ADAMTS16: variants seen among roughly 807,000 people sequenced by gnomAD.
The protein encoded by ADAMTS16 is A disintegrin and metalloproteinase with thrombospondin motifs 16.
ADAMTS16 carries 94 observed loss-of-function variants against 145.8 expected under a neutral mutation model. The observed-to-expected ratio is 0.64, with a 90% CI of 0.55 to 0.77. The LOEUF is 0.77. Among genes scored for constraint, ADAMTS16 ranks in the 30% least tolerant of loss-of-function variants. The pLI, the probability that ADAMTS16 is intolerant of heterozygous loss-of-function variation, is 0.00. For synonymous variants in ADAMTS16, 659 were observed against 604.3 expected (o/e 1.09, Z -1.33); for missense variants, 1,585 against 1,591.5 (o/e 1.00, Z 0.07).
At chr5:5,223,058 C>A in intron 11 of ADAMTS16, 174 bp downstream of exon 11, 1 of 554,716 alleles carries the variant, frequency 1.8e-6, no homozygotes, top group East Asian at 2.9e-5. Flanking sequence ...GAAGAGGAAT[C>A]CTTTTCTCAC....
chr5:5,213,789 C>T (rs1159074750), intron 10 of ADAMTS16, among the ~76,000 whole-genome samples: 5 of 152,194 alleles, frequency 3.3e-5, no homozygotes, highest in African/African-American at 1.2e-4. Flanking sequence ...TATGCATCCT[C>T]TGTCTTGAAG....
intron 8 of ADAMTS16, among the ~76,000 whole-genome samples, chr5:5,195,868 A>G (rs1320462706): frequency 2.6e-5 from 4 of 152,208 alleles, no homozygotes; most frequent in African/African-American, 4.8e-5. Flanking sequence ...CATGCAAGAT[A>G]TCAAGTAATG....
At chr5:5,292,741 T>C (rs969810638) in intron 18 of ADAMTS16, among the ~76,000 whole-genome samples, 6 of 152,082 alleles carry the variant, frequency 3.9e-5, no homozygotes, top group Admixed American at 1.3e-4. Flanking sequence ...GAAGGCCTCC[T>C]TGCCCTGCTG....
At chr5:5,201,942 C>T (rs1315795843) in intron 9 of ADAMTS16, among the ~76,000 whole-genome samples, 1 of 151,618 alleles carries the variant, frequency 6.6e-6, no homozygotes, top group Non-Finnish European at 1.5e-5. Context: ...CTTTTTTATT[C>T]ATATATTTAA....
intron 21 of ADAMTS16, among the ~76,000 whole-genome samples, chr5:5,313,822 G>A (rs1467892744): frequency 6.6e-6 from 1 of 152,240 alleles, no homozygotes; most frequent in African/African-American, 2.4e-5. Context: ...GATCTCAACC[G>A]ATGAGGCTGG....
chr5:5,195,979 G>T (rs141398891), intron 8 of ADAMTS16, among the ~76,000 whole-genome samples: 2 of 152,186 alleles, frequency 1.3e-5, no homozygotes, highest in African/African-American at 4.8e-5. Context: ...GTTAATCCCA[G>T]CATTTTGGGA....
intron 14 of ADAMTS16, among the ~76,000 whole-genome samples, chr5:5,237,401 G>C (rs1338418612): frequency 6.6e-6 from 1 of 152,190 alleles, no homozygotes; most frequent in Non-Finnish European, 1.5e-5. Context: ...GGGTGAGTTG[G>C]AAGAGGGATG....
intron 6 of ADAMTS16, among the ~76,000 whole-genome samples, chr5:5,188,721 T>C (rs2126572686): frequency 6.6e-6 from 1 of 152,312 alleles, no homozygotes; most frequent in Non-Finnish European, 1.5e-5. Flanking sequence ...AGTTCTGGGA[T>C]GCTGCTCTTT....
At chr5:5,148,699 A>G (rs1160382400) in intron 3 of ADAMTS16, among the ~76,000 whole-genome samples, 1 of 152,244 alleles carries the variant, frequency 6.6e-6, no homozygotes, top group Non-Finnish European at 1.5e-5. Flanking sequence ...AGGAAAAACT[A>G]AACAAACATA....
intron 9 of ADAMTS16, among the ~76,000 whole-genome samples, chr5:5,201,191 G>A (rs1239962412): frequency 2.6e-5 from 4 of 152,118 alleles, no homozygotes; most frequent in Non-Finnish European, 4.4e-5. Flanking sequence ...GAGAGCACAG[G>A]AGGGTGTGCG....
chr5:5,193,370 A>G (rs1735718796), intron 8 of ADAMTS16, among the ~76,000 whole-genome samples: 1 of 152,210 alleles, frequency 6.6e-6, no homozygotes, highest in South Asian at 2.1e-4. Flanking sequence ...CCTTCACTTT[A>G]TAAAGCTTTC....
intron 12 of ADAMTS16, among the ~76,000 whole-genome samples, chr5:5,232,905 A>G (rs1167677524): frequency 6.6e-6 from 1 of 152,086 alleles, no homozygotes; most frequent in African/African-American, 2.4e-5. Flanking sequence ...GCCCGGCCTC[A>G]GCTCTTAATA....
At chr5:5,271,502 A>G (rs1232295577) in intron 18 of ADAMTS16, among the ~76,000 whole-genome samples, 1 of 152,242 alleles carries the variant, frequency 6.6e-6, no homozygotes. Context: ...CCCCATCTGC[A>G]TTCTAGCATG....
At chr5:5,176,874 G>A (rs1448540739) in intron 3 of ADAMTS16, among the ~76,000 whole-genome samples, 1 of 152,146 alleles carries the variant, frequency 6.6e-6, no homozygotes, top group East Asian at 1.9e-4. Context: ...TATTTGTGGG[G>A]CACATAGACA....
rs199521777 is a variant in ADAMTS16 at position 5,200,212 on chromosome 5, G to A, written c.1394G>A (p.Arg465His). Reference protein sequence around the residue: ...GNIMSPTLAGRNGVFSWSPCS... With the variant: ...GNIMSPTLAGHNGVFSWSPCS... ...ATCATGTCCCCTACATTGGCAGGAC[G>A]CAATGGAGTCTTCTCCTGGTCACCC... The change falls in exon 9 of 23, where the codon CGC becomes CAC. Residue 465 changes from arginine to histidine, a missense_variant. By Grantham distance (29) the Arg-to-His change is conservative. Around this residue, in one of 3 missense-constraint regions of ADAMTS16, gnomAD observed 298 missense variants for 367.6 expected, o/e 0.81. Coordinates refer to ENST00000274181, the MANE Select transcript of ADAMTS16 (RefSeq NM_139056.4). The A allele has an allele frequency of 3.2e-5, 52 of 1,613,972 alleles. No homozygotes were observed. Among genetic ancestry groups the A allele is most frequent in the South Asian group, 7.7e-5 (7 of 91,086 alleles).
rs1484434214 is a variant in ADAMTS16, at chr5:5,195,052, T to TA, written c.1313+3269dup. On this transcript the variant is annotated intron_variant, in intron 8 of 22. Transcript: ENST00000274181. ...ATCTGTCCTCCTAAGTTCCACTTTT[T>TA]AAAAAAATCTCAAAATATCATGTAG... 2.6e-5 allele frequency among the ~76,000 whole-genome samples: 4 copies of TA among 152,300 alleles called. No individual in the cohort carries two copies. In the South Asian group the frequency reaches 6.2e-4, roughly 24 times the overall value.
chr5:5,295,797 T>C (rs1373059434), intron 18 of ADAMTS16, among the ~76,000 whole-genome samples: 2 of 152,022 alleles, frequency 1.3e-5, no homozygotes, highest in Non-Finnish European at 2.9e-5. Context: ...CTCCAGAGAG[T>C]AGAAAGCCGA....
chr5:5,171,221 G>A lies in ADAMTS16; in HGVS notation c.502-10823G>A, dbSNP rs147339512. Among the ~76,000 whole-genome samples the A allele has an allele frequency of 4.8e-3, 726 of 152,182 alleles. 10 individuals are homozygous for A. Among genetic ancestry groups the A allele is most frequent in the African/African-American group, 0.017 (685 of 41,512 alleles). On this transcript the variant is annotated intron_variant, in intron 3 of 22. Transcript: ENST00000274181. ...TAAGATTATTTCACTGGCAAAGAAG[G>A]ATAATTTGACTTCTTTCTTTCTAAT...
chr5:5,173,655 A>G (rs1735109815), intron 3 of ADAMTS16, among the ~76,000 whole-genome samples: 1 of 151,664 alleles, frequency 6.6e-6, no homozygotes, highest in African/African-American at 2.4e-5. Context: ...TTGTATTTTT[A>G]GTAGAGATGG....
Sources: gnomAD v4.1 joint callset for allele counts (sites outside exome capture counted in the v4.1 genomes callset) on GRCh38, gnomAD v4.1.1 for gene constraint, gnomAD v4.1.1 regional missense constraint, MANE v1.5 for transcripts, NCBI Gene and HGNC (gene_info 2026-07-23, HGNC 2026-07-21) for gene names.